CREBBP: variants seen among roughly 807,000 people sequenced by gnomAD.
The protein encoded by CREBBP is CREB-binding protein.
A neutral mutation model predicts 265.0 loss-of-function variants in CREBBP; 19 were observed. The observed-to-expected ratio is 0.07, with a 90% CI of 0.05 to 0.11. The LOEUF (loss-of-function observed/expected upper bound fraction) is 0.11. CREBBP is among the 10% of genes least tolerant of loss of function. The pLI is 1.00. For synonymous variants in CREBBP, 1,457 were observed against 1,223.7 expected (o/e 1.19, Z -3.98); for missense variants, 2,525 against 3,219.0 (o/e 0.78, Z 5.22).
chr16:3,865,915 G>T (rs138978429), intron 1 of CREBBP, among the ~76,000 whole-genome samples: 1 of 152,236 alleles, frequency 6.6e-6, no homozygotes, highest in East Asian at 1.9e-4. Flanking sequence ...GATTACAGGC[G>T]TGAGCCCACC....
At chr16:3,763,234 C>T (rs975837607) in intron 16 of CREBBP, among the ~76,000 whole-genome samples, 11 of 151,484 alleles carry the variant, frequency 7.3e-5, no homozygotes, top group Non-Finnish European at 1.5e-4. Context: ...CCACTGCATG[C>T]AAACTTGACC....
chr16:3,849,822 G>A (rs530892661), intron 2 of CREBBP, among the ~76,000 whole-genome samples: 2 of 152,202 alleles, frequency 1.3e-5, no homozygotes, highest in South Asian at 2.1e-4. Flanking sequence ...TGTTTCCTCT[G>A]GGACCCGAAT....
Position 3,793,628 on chromosome 16 carries a change from TA to T in CREBBP, c.976-3del. On this transcript the variant is annotated splice_polypyrimidine_tract_variant and splice_region_variant and intron_variant, in intron 3 of 30. Transcript: ENST00000262367. ...TCCCACTGATGTTTGCATCTGAGAC[TA>T]AAATAAAGCAAAATAATAAAAATAC... The T allele has an allele frequency of 6.2e-7, 1 of 1,612,592 alleles. No homozygotes were observed. Among genetic ancestry groups the T allele is most frequent in the Non-Finnish European group, 8.5e-7 (1 of 1,179,912 alleles).
At chr16:3,875,308 C>T (rs1313366702) in intron 1 of CREBBP, among the ~76,000 whole-genome samples, 1 of 152,228 alleles carries the variant, frequency 6.6e-6, no homozygotes, top group African/African-American at 2.4e-5. Context: ...TCACCCCTCT[C>T]AGTTATTCAA....
chr16:3,739,253 G>A (rs2052143379), intron 25 of CREBBP, among the ~76,000 whole-genome samples: 2 of 152,310 alleles, frequency 1.3e-5, no homozygotes, highest in South Asian at 4.1e-4. Context: ...ATTCCTGACT[G>A]CACATGAAGC....
chr16:3,729,776 G>A lies in CREBBP; in HGVS notation c.5271C>T (p.Gly1757=), dbSNP rs190121951. 129 of 1,585,834 alleles carry A rather than the reference G, an allele frequency of 8.1e-5. No homozygotes were observed. The East Asian group carries it at 2.1e-3, about 26-fold the overall frequency. The change falls in exon 31 of 31, where the codon GGC becomes GGT. Residue 1757 remains glycine (G), a synonymous_variant. Transcript: ENST00000262367. The part of the protein sequence containing the change: ...LGLDDEGSSQ[G]EPQSKSPQES... ...CCTGGGGGCTCTTTGACTGTGGCTC[G>A]CCCTGGCTGCTGCCCTCGTCATCCA...
intron 1 of CREBBP, among the ~76,000 whole-genome samples, chr16:3,877,684 C>A (rs1244247223): frequency 6.6e-6 from 1 of 152,270 alleles, no homozygotes; most frequent in Non-Finnish European, 1.5e-5. Flanking sequence ...GGATTACAGG[C>A]ATGAGCCATG....
intron 9 of CREBBP, 60 bp downstream of exon 9, chr16:3,778,640 A>G (rs2053200700): frequency 1.5e-6 from 2 of 1,295,788 alleles, no homozygotes; most frequent in Non-Finnish European, 2.2e-6. Context: ...AAAGCAGACA[A>G]ATGTAGTGCT....
rs760292945 is a variant in CREBBP at position 3,744,902 on chromosome 16, C to T, written c.3974G>A (p.Ser1325Asn). The stretch of plus-strand genomic sequence containing the variant: ...AGCTTCCCGAAACTTACTCTTAGCA[C>T]TGAATTTGTTTTCTTTTCGAGGTCT... Reference protein sequence around the residue: ...TGRPRKENKFSAKRLQTTRLG... With the variant: ...TGRPRKENKFNAKRLQTTRLG... Residue 1325 changes from serine (S) to asparagine (N), a missense_variant, in exon 23 of 31, where the codon AGT (serine) becomes AAT (asparagine). Coordinates refer to ENST00000262367, the MANE Select transcript of CREBBP (RefSeq NM_004380.3). The T allele has an allele frequency of 3.1e-6, 5 of 1,613,670 alleles. No individual in the cohort carries two copies. Among genetic ancestry groups the T allele is most frequent in the Middle Eastern group, 1.6e-4 (1 of 6,084 alleles).
At chr16:3,831,598 G>A (rs2054343401) in intron 2 of CREBBP, among the ~76,000 whole-genome samples, 1 of 152,106 alleles carries the variant, frequency 6.6e-6, no homozygotes, top group Non-Finnish European at 1.5e-5. Context: ...AACAAAAGCT[G>A]GCTGTTTGAA....
At chr16:3,751,239 A>T (rs562590022) in intron 20 of CREBBP, among the ~76,000 whole-genome samples, 4 of 152,312 alleles carry the variant, frequency 2.6e-5, no homozygotes, top group Admixed American at 2.6e-4. Flanking sequence ...CAGCCAAAAC[A>T]CATTTTTCAG....
intron 12 of CREBBP, 121 bp from the exon 13 acceptor site, chr16:3,774,051 T>C: frequency 9.4e-7 from 1 of 1,064,238 alleles, no homozygotes; most frequent in Non-Finnish European, 1.4e-6. Flanking sequence ...AGGGCTCACA[T>C]CCTGCCCTTC....
rs180980820 is a variant in CREBBP, at chr16:3,782,464, A to C, written c.1573+220T>G. Among the ~76,000 whole-genome samples the C allele has an allele frequency of 3.9e-5, 6 of 152,364 alleles. No individual in the cohort carries two copies. The East Asian group carries it at 7.7e-4, about 20-fold the overall frequency. On this transcript the variant is annotated intron_variant, in intron 6 of 30. Coordinates refer to ENST00000262367, the MANE Select transcript of CREBBP (RefSeq NM_004380.3). ...CCGTCCAGACAGAAGTGGCACAGCA[A>C]GCAACAAAAACATTGCTTCATTTGC...
intron 3 of CREBBP, among the ~76,000 whole-genome samples, chr16:3,802,726 T>A (rs561794727): frequency 1.3e-5 from 2 of 152,100 alleles, no homozygotes; most frequent in South Asian, 4.2e-4. Flanking sequence ...AAGGACAGTG[T>A]CACCCCTCTG....
intron 2 of CREBBP, among the ~76,000 whole-genome samples, chr16:3,820,826 T>TAC (rs145214579): frequency 2.0e-5 from 3 of 151,920 alleles, no homozygotes; most frequent in South Asian, 2.1e-4. Context: ...AGCCACTGTG[T>TAC]ACACACACAC....
At chr16:3,812,169 G>GT (rs139576824) in intron 2 of CREBBP, among the ~76,000 whole-genome samples, 1,898 of 152,078 alleles carry the variant, frequency 0.012, 40 homozygotes, top group African/African-American at 0.042. Flanking sequence ...CTGTACAGGT[G>GT]TAAAATTTAT....
Position 3,766,523 on chromosome 16 carries a change from T to A in CREBBP, c.3250+1197A>T, listed in dbSNP as rs150337721. On this transcript the variant is annotated intron_variant, in intron 16 of 30. Coordinates refer to ENST00000262367, the MANE Select transcript of CREBBP (RefSeq NM_004380.3). Reference sequence around the variant, plus strand: ...TTTAAATGAACTAAATATTTAAAAATTTTTCTCTTTTTTTTTTTCAGACAA... The same window carrying A: ...TTTAAATGAACTAAATATTTAAAAAATTTTCTCTTTTTTTTTTTCAGACAA... Among the ~76,000 whole-genome samples the A allele has an allele frequency of 2.6e-3, 390 of 151,978 alleles. 1 individual carries two copies. The highest frequency in any genetic ancestry group is 8.0e-3 in the African/African-American group (330 of 41,320).
rs2051753219 is a variant in CREBBP at position 3,726,593 on chromosome 16, T to C, written c.*1125A>G. 1 of 233,368 alleles carries C rather than the reference T, an allele frequency of 4.3e-6. No individual in the cohort carries two copies. The highest frequency in any genetic ancestry group is 5.6e-5 in the Admixed American group (1 of 17,774). The allele number at this position is 233,368 out of a possible 1,614,324, so 14.5% of individuals were successfully genotyped here. ...ACAAAGAACAGACTCAAAAAATATA[T>C]ATAAATAAATAAAAACCTTAAACAT... On this transcript the variant is annotated 3_prime_UTR_variant, in exon 31 of 31. Coordinates refer to ENST00000262367, the MANE Select transcript of CREBBP (RefSeq NM_004380.3).
chr16:3,828,825 C>T (rs1021247780), intron 2 of CREBBP, among the ~76,000 whole-genome samples: 2 of 152,064 alleles, frequency 1.3e-5, no homozygotes, highest in Admixed American at 6.6e-5. Context: ...TATTTTACTC[C>T]TTGTTATAAA....
Sources: allele counts gnomAD v4.1 joint callset (sites outside exome capture counted in the v4.1 genomes callset), GRCh38; gene constraint gnomAD v4.1.1; transcripts MANE v1.5; gene names NCBI Gene and HGNC (gene_info 2026-07-23, HGNC 2026-07-21).